The following C1orf159 variants were observed in gnomAD, a reference collection of about 807,000 sequenced individuals.
C1orf159 encodes the protein chromosome 1 open reading frame 159, also known as uncharacterized protein C1orf159.
In C1orf159, 19 loss-of-function variants were observed where a neutral mutation model predicts 25.6. The observed-to-expected ratio is 0.74, with a 90% CI of 0.52 to 1.09. The LOEUF (loss-of-function observed/expected upper bound fraction) is 1.09, where lower values mean the gene tolerates loss of function less well. Among genes scored for constraint, C1orf159 ranks in the 50% least tolerant of loss-of-function variants. The pLI, the probability that C1orf159 is intolerant of heterozygous loss-of-function variation, is 0.00. For synonymous variants in C1orf159, 139 were observed against 124.7 expected, an observed-to-expected ratio of 1.12 and a Z score of -0.77; for missense variants, 274 against 290.6, an observed-to-expected ratio of 0.94 and a Z score of 0.42.
chr1:1,084,942 C>A (rs570061101), intron 7 of C1orf159, among the ~76,000 whole-genome samples: 1 of 152,278 alleles, frequency 6.6e-6, no homozygotes, highest in African/African-American at 2.4e-5. Flanking sequence ...CCATGGTGCC[C>A]CCGCGATGGG....
chr1:1,115,114 G>A (rs115870270), intron 1 of C1orf159: 1 of 152,282 alleles, frequency 6.6e-6, no homozygotes, highest in African/African-American at 2.4e-5. Context: ...GGCCAAGTTT[G>A]ACATCCTGAA....
chr1:1,093,281 G>C (rs543519790), intron 1 of C1orf159, among the ~76,000 whole-genome samples: 1 of 152,288 alleles, frequency 6.6e-6, no homozygotes, highest in African/African-American at 2.4e-5. Flanking sequence ...CATCCTGAGG[G>C]CCACATTAAG....
intron 4 of C1orf159, among the ~76,000 whole-genome samples, chr1:1,088,581 C>T (rs1420832083): frequency 6.6e-6 from 1 of 151,406 alleles, no homozygotes; most frequent in African/African-American, 2.4e-5. Context: ...CGCCTGAAGC[C>T]TCATTTCCGC....
At chr1:1,111,968 TC>T (rs35383526) in intron 1 of C1orf159, among the ~76,000 whole-genome samples, 1 of 152,096 alleles carries the variant, frequency 6.6e-6, no homozygotes, top group Non-Finnish European at 1.5e-5. Context: ...AAAGGAGACA[TC>T]CCCCTTTGTT....
intron 7 of C1orf159, 29 bp from the exon 8 acceptor site, chr1:1,084,535 TG>T: frequency 6.5e-7 from 1 of 1,549,782 alleles, no homozygotes; most frequent in Non-Finnish European, 8.7e-7. Flanking sequence ...AGAGTCACCC[TG>T]GAGCCCAGGA....
rs766272599 is a variant in C1orf159, at chr1:1,082,725, C to T, written c.*168G>A. 23 of 643,214 alleles carry T rather than the reference C, an allele frequency of 3.6e-5. No homozygotes were observed. Among genetic ancestry groups the T allele is most frequent in the Non-Finnish European group, 5.0e-5 (18 of 359,794 alleles). 39.8% of individuals were successfully genotyped at this position (643,214 alleles called of 1,614,324 possible). A position where few individuals can be genotyped will look rare whatever the true frequency, so the allele number is the denominator to read the frequency against. On this transcript the variant is annotated 3_prime_UTR_variant, in exon 10 of 10. Transcript: ENST00000421241. ...TGGTGGGGAGGAGCCTCAGGCGGCCCGGGACCCTTTGGCGTCCGTCGCTGG... is the reference window on the plus strand; with the variant it reads ...TGGTGGGGAGGAGCCTCAGGCGGCCTGGGACCCTTTGGCGTCCGTCGCTGG...
chr1:1,093,996 CA>C (rs1201144388), intron 1 of C1orf159, among the ~76,000 whole-genome samples: 1 of 152,152 alleles, frequency 6.6e-6, no homozygotes, highest in Non-Finnish European at 1.5e-5. Context: ...GGCATCTTTC[CA>C]TGTGTTTATT....
intron 9 of C1orf159, chr1:1,083,784 T>G: frequency 1.2e-6 from 1 of 822,818 alleles, no homozygotes; most frequent in Non-Finnish European, 1.9e-6. Context: ...CACGGTCACC[T>G]GCCCCCATGA....
At position 1,115,307 on chromosome 1, in the gene C1orf159, C is replaced by T. The variant is rs184387161; in HGVS notation, c.-136+753G>A. Among the ~76,000 whole-genome samples, 263 of 152,282 alleles carry T rather than the reference C, an allele frequency of 1.7e-3. 2 individuals are homozygous for T. Among genetic ancestry groups the T allele is most frequent in the African/African-American group, 5.6e-3 (233 of 41,536 alleles). On this transcript the variant is annotated intron_variant, in intron 1 of 9. Transcript: ENST00000421241. ...CCCGAAAAACTGCACCCCGACTAGC[C>T]CTCGGCTACTCCAGGTGACAAACGG... is the stretch of plus-strand genomic sequence containing the variant.
intron 1 of C1orf159, among the ~76,000 whole-genome samples, chr1:1,112,676 G>A (rs554163445): frequency 7.2e-5 from 11 of 152,234 alleles, no homozygotes; most frequent in African/African-American, 1.2e-4. Flanking sequence ...GCATGCTCCC[G>A]CCCAAGTACT....
intron 9 of C1orf159, chr1:1,083,892 C>T: frequency 6.5e-7 from 1 of 1,549,636 alleles, no homozygotes; most frequent in Non-Finnish European, 8.7e-7. Flanking sequence ...GTCTGTGGCC[C>T]CGCACATAAA....
chr1:1,109,868 C>G (rs1040590009), intron 1 of C1orf159, among the ~76,000 whole-genome samples: 2 of 152,186 alleles, frequency 1.3e-5, no homozygotes, highest in African/African-American at 4.8e-5. Flanking sequence ...GTCACATCCT[C>G]CATAGACCAG....
rs750969293 is a variant in C1orf159, at chr1:1,087,196, G to A, written c.253C>T (p.Pro85Ser). The change falls in exon 6 of 10, where the codon CCG becomes TCG. Residue 85 changes from proline to serine, a missense_variant. Physicochemically the swap from Pro to Ser is moderately conservative, Grantham distance 74. Transcript: ENST00000421241. The surrounding 1 kb of genome is among the most constrained non-coding windows in gnomAD (Gnocchi z 8.3). The stretch of plus-strand genomic sequence containing the variant: ...CTGTTCATGGGGAATGGCGCACCCG[G>A]GCCAGCAACTGTGGGATAGCAGAAC... ...NGSECRSFAG[P>S]GAPFPMNRSS... 1 of 1,608,036 alleles carries A rather than the reference G, an allele frequency of 6.2e-7. No homozygotes were observed. Among genetic ancestry groups the A allele is most frequent in the Non-Finnish European group, 8.5e-7 (1 of 1,178,090 alleles).
At chr1:1,103,060 C>G (rs1040357350) in intron 1 of C1orf159, among the ~76,000 whole-genome samples, 4 of 152,066 alleles carry the variant, frequency 2.6e-5, no homozygotes, top group African/African-American at 9.7e-5. Flanking sequence ...TCAGGCTTGT[C>G]TTGAACTCCT....
At chr1:1,107,743 G>A (rs999328657) in intron 1 of C1orf159, among the ~76,000 whole-genome samples, 2 of 152,106 alleles carry the variant, frequency 1.3e-5, no homozygotes, top group African/African-American at 2.4e-5. Context: ...AACCCACTCG[G>A]GTCCCCTTCC....
intron 1 of C1orf159, among the ~76,000 whole-genome samples, chr1:1,115,850 TTGGGA>T (rs1646332658): frequency 6.9e-6 from 1 of 144,994 alleles, no homozygotes; most frequent in Non-Finnish European, 1.5e-5. Context: ...GCCAGGCTCG[TTGGGA>T]GGCGGCGACG....
At chr1:1,096,200 C>CT (rs1646007773) in intron 1 of C1orf159, among the ~76,000 whole-genome samples, 1 of 152,118 alleles carries the variant, frequency 6.6e-6, no homozygotes, top group African/African-American at 2.4e-5. Flanking sequence ...ATAGGCCCTC[C>CT]TTTTTTTAAA....
intron 1 of C1orf159, among the ~76,000 whole-genome samples, chr1:1,099,499 CT>C (rs554542586): frequency 1.6e-3 from 217 of 135,744 alleles, no homozygotes; most frequent in African/African-American, 6.5e-3. Context: ...AAATCTCCGA[CT>C]ATGATTGTGT....
intron 1 of C1orf159, among the ~76,000 whole-genome samples, chr1:1,109,751 A>G (rs1646232374): frequency 6.6e-6 from 1 of 152,206 alleles, no homozygotes. Context: ...ATAAACATGC[A>G]TGTAACGCAG....
Sources: allele counts gnomAD v4.1 joint callset (sites outside exome capture counted in the v4.1 genomes callset), GRCh38; gene constraint gnomAD v4.1.1; non-coding constraint Gnocchi (gnomAD v3.1); transcripts MANE v1.5; gene names NCBI Gene and HGNC (gene_info 2026-07-23, HGNC 2026-07-21).